Variants in GRM1 observed in about 807,000 individuals in gnomAD.
GRM1 encodes the protein metabotropic glutamate receptor 1.
Under a neutral mutation model 90.9 loss-of-function variants are expected in GRM1, and 33 were observed. The observed-to-expected ratio is 0.36, with a 90% CI of 0.28 to 0.49. The LOEUF (loss-of-function observed/expected upper bound fraction) is 0.49. Among genes scored for constraint, GRM1 ranks in the 20% least tolerant of loss-of-function variants. The pLI is 0.99. For synonymous variants in GRM1, 700 were observed against 613.2 expected (o/e 1.14, Z -2.09); for missense variants, 1,190 against 1,534.3 (o/e 0.78, Z 3.75).
chr6:146,433,508 G>C (rs961719591), intron 7 of GRM1, among the ~76,000 whole-genome samples: 6 of 150,156 alleles, frequency 4.0e-5, no homozygotes, highest in Non-Finnish European at 5.9e-5. Flanking sequence ...TCCTCCATCA[G>C]TTGGGAGTTT....
rs774554489 is a variant in GRM1 at position 146,434,673 on chromosome 6, G to C, written c.3462G>C (p.Ser1154=). Reference sequence around the variant, plus strand: ...CGCCTCCGTCGCCTTTCCGCGACTCGGTGGCCTCGGGCAGCTCGGTGCCCA... The same window carrying C: ...CGCCTCCGTCGCCTTTCCGCGACTCCGTGGCCTCGGGCAGCTCGGTGCCCA... ...ALTPPSPFRD[S]VASGSSVPSS... Residue 1154 remains serine, a synonymous_variant, in exon 8 of 8, where the codon TCG becomes TCC. Transcript: ENST00000282753. 1.9e-6 allele frequency: 3 copies of C among 1,606,968 alleles called. No individual in the cohort carries two copies. Among genetic ancestry groups the C allele is most frequent in the Non-Finnish European group, 2.5e-6 (3 of 1,179,998 alleles).
At chr6:146,385,250 A>G (rs1354723773) in intron 5 of GRM1, among the ~76,000 whole-genome samples, 1 of 152,110 alleles carries the variant, frequency 6.6e-6, no homozygotes, top group Non-Finnish European at 1.5e-5. Context: ...GGGGTGATAC[A>G]TTCAGAAGAA....
intron 1 of GRM1, among the ~76,000 whole-genome samples, chr6:146,113,901 T>A (rs1298154176): frequency 6.6e-6 from 1 of 152,180 alleles, no homozygotes; most frequent in Non-Finnish European, 1.5e-5. Flanking sequence ...CCTCAATCCT[T>A]GCTTAATTCT....
chr6:146,333,280 A>G (rs1252433774), intron 3 of GRM1, among the ~76,000 whole-genome samples: 1 of 152,168 alleles, frequency 6.6e-6, no homozygotes, highest in Non-Finnish European at 1.5e-5. Context: ...ATATGGGTGC[A>G]AACAATGGCT....
intron 2 of GRM1, among the ~76,000 whole-genome samples, chr6:146,203,848 C>G (rs1293974609): frequency 6.6e-6 from 1 of 152,178 alleles, no homozygotes; most frequent in Non-Finnish European, 1.5e-5. Flanking sequence ...TGTAAATTCC[C>G]ACAATGTTGG....
chr6:146,312,536 G>C (rs1341664725), intron 3 of GRM1, among the ~76,000 whole-genome samples: 3 of 151,970 alleles, frequency 2.0e-5, no homozygotes, highest in Non-Finnish European at 4.4e-5. Context: ...CTGAATTTGA[G>C]TGTAAATTTA....
intron 7 of GRM1, among the ~76,000 whole-genome samples, chr6:146,407,168 T>A (rs1777378354): frequency 6.6e-6 from 1 of 152,108 alleles, no homozygotes; most frequent in Non-Finnish European, 1.5e-5. Flanking sequence ...AAGTAAATGG[T>A]GTGTGGAGGA....
At chr6:146,298,515 A>C (rs1783265131) in intron 2 of GRM1, among the ~76,000 whole-genome samples, 2 of 152,232 alleles carry the variant, frequency 1.3e-5, no homozygotes, top group African/African-American at 4.8e-5. Flanking sequence ...AACTGGGTCC[A>C]TTCTAACAGA....
At chr6:146,118,711 A>G (rs956205143) in intron 1 of GRM1, among the ~76,000 whole-genome samples, 3 of 152,232 alleles carry the variant, frequency 2.0e-5, no homozygotes, top group African/African-American at 7.2e-5. Context: ...TGTCCCTGTG[A>G]TAGTTTGCTG....
chr6:146,338,093 A>G (rs1784839961), intron 3 of GRM1, among the ~76,000 whole-genome samples: 1 of 152,230 alleles, frequency 6.6e-6, no homozygotes, highest in African/African-American at 2.4e-5. Context: ...GGAAATGATC[A>G]CGTTATGCAA....
At chr6:146,175,124 G>A (rs1051439025) in intron 2 of GRM1, among the ~76,000 whole-genome samples, 3 of 152,296 alleles carry the variant, frequency 2.0e-5, no homozygotes, top group Admixed American at 6.5e-5. Flanking sequence ...TCAAGGGGAG[G>A]GGAATGCACA....
At chr6:146,208,590 T>C (rs550348600) in intron 2 of GRM1, among the ~76,000 whole-genome samples, 1 of 152,272 alleles carries the variant, frequency 6.6e-6, no homozygotes, top group African/African-American at 2.4e-5. Flanking sequence ...TCTACTCATG[T>C]CGGGGTCTTG....
intron 2 of GRM1, among the ~76,000 whole-genome samples, chr6:146,170,923 G>A (rs1478840218): frequency 6.6e-6 from 1 of 151,690 alleles, no homozygotes; most frequent in African/African-American, 2.4e-5. Context: ...CTCTTCTCTG[G>A]GGCTTGATTT....
rs185549306 is a variant in GRM1, at chr6:146,052,839, C to T, written c.700+22622C>T. Among the ~76,000 whole-genome samples the T allele has an allele frequency of 7.9e-5, 12 of 152,082 alleles. No individual in the cohort carries two copies. In the East Asian group the frequency reaches 1.6e-3, roughly 20 times the overall value. On this transcript the variant is annotated intron_variant, in intron 1 of 7. Coordinates refer to ENST00000282753, the MANE Select transcript of GRM1 (RefSeq NM_001278064.2). Reference sequence around the variant, plus strand: ...GCCATTTCCTACTATTGGAAATTATCTCATTTATGCAATTCTTTACATATT... The same window carrying T: ...GCCATTTCCTACTATTGGAAATTATTTCATTTATGCAATTCTTTACATATT...
chr6:146,067,856 T>C (rs980258664), intron 1 of GRM1, among the ~76,000 whole-genome samples: 1 of 152,226 alleles, frequency 6.6e-6, no homozygotes, highest in African/African-American at 2.4e-5. Flanking sequence ...GATAAGTTTA[T>C]ATTGTGACGT....
chr6:146,198,264 G>C (rs1414894964), intron 2 of GRM1, among the ~76,000 whole-genome samples: 1 of 152,184 alleles, frequency 6.6e-6, no homozygotes, highest in Non-Finnish European at 1.5e-5. Context: ...CGGAGTCTAT[G>C]GTAGTCTATA....
At chr6:146,383,074 C>A (rs1776376387) in intron 5 of GRM1, among the ~76,000 whole-genome samples, 1 of 152,150 alleles carries the variant, frequency 6.6e-6, no homozygotes, top group South Asian at 2.1e-4. Flanking sequence ...GGATAAATTT[C>A]ATCTTACAGA....
intron 2 of GRM1, among the ~76,000 whole-genome samples, chr6:146,240,582 C>A (rs897364144): frequency 1.3e-5 from 2 of 152,054 alleles, no homozygotes; most frequent in African/African-American, 2.4e-5. Context: ...TTTCTACTGG[C>A]AGTCACATTG....
At chr6:146,382,649 A>G (rs1776358357) in intron 5 of GRM1, among the ~76,000 whole-genome samples, 1 of 152,086 alleles carries the variant, frequency 6.6e-6, no homozygotes, top group Non-Finnish European at 1.5e-5. Context: ...ATAACAGACA[A>G]AGTCAGGTAC....
Sources: gnomAD v4.1 joint callset for allele counts (sites outside exome capture counted in the v4.1 genomes callset) on GRCh38, gnomAD v4.1.1 for gene constraint, MANE v1.5 for transcripts, NCBI Gene and HGNC (gene_info 2026-07-23, HGNC 2026-07-21) for gene names.